BMPR1A: variants seen among roughly 807,000 people sequenced by gnomAD.
BMPR1A encodes bone morphogenetic protein receptor type 1A, also known as bone morphogenetic protein receptor type-1A.
A neutral mutation model predicts 66.0 loss-of-function variants in BMPR1A; 7 were observed. That is an observed-to-expected ratio of 0.11 (90% CI 0.06 to 0.20). BMPR1A has a LOEUF of 0.20. Among genes scored for constraint, BMPR1A ranks in the 10% least tolerant of loss-of-function variants. The probability of loss-of-function intolerance (pLI) is 1.00; values close to 1 mark genes in which losing one functional copy is unlikely to be tolerated. For missense variants in BMPR1A, 408 were observed against 669.1 expected (o/e 0.61, Z 4.31); for synonymous variants, 200 against 229.7 (o/e 0.87, Z 1.17).
intron 1 of BMPR1A, among the ~76,000 whole-genome samples, chr10:86,780,473 C>T (rs558591429): frequency 1.3e-5 from 2 of 152,008 alleles, no homozygotes; most frequent in East Asian, 1.9e-4. Flanking sequence ...CTTGCTCTGT[C>T]GCTCAGGCTG....
At position 86,925,421 on chromosome 10, in the gene BMPR1A, A is replaced by C. The variant is rs1843725854; in HGVS notation, c.*1702A>C. ...AAAATTTGACTATCATTTAAGGTTAAAACTTACAAATTTGTCTGCACATCA... is the reference window on the plus strand; with the variant it reads ...AAAATTTGACTATCATTTAAGGTTACAACTTACAAATTTGTCTGCACATCA... On this transcript the variant is annotated 3_prime_UTR_variant, in exon 13 of 13. Transcript: ENST00000372037. 1 of 217,228 alleles carries C rather than the reference A, an allele frequency of 4.6e-6. No individual in the cohort carries two copies. The highest frequency in any genetic ancestry group is 9.3e-6 in the Non-Finnish European group (1 of 108,030). The allele number at this position is 217,228 out of a possible 1,614,324, so 13.5% of individuals were successfully genotyped here.
chr10:86,867,785 C>G (rs1003591993), intron 2 of BMPR1A, among the ~76,000 whole-genome samples: 2 of 152,102 alleles, frequency 1.3e-5, no homozygotes, highest in African/African-American at 4.8e-5. Flanking sequence ...CACACAGCAT[C>G]AACTATATAT....
chr10:86,873,455 ATGT>A (rs199662362), intron 2 of BMPR1A, among the ~76,000 whole-genome samples: 1,816 of 144,984 alleles, frequency 0.013, 32 homozygotes, highest in African/African-American at 0.041. Context: ...AAAAAAAAAG[ATGT>A]TGTTGGTGAA....
At chr10:86,910,007 T>G (rs1445096453) in intron 7 of BMPR1A, among the ~76,000 whole-genome samples, 1 of 152,038 alleles carries the variant, frequency 6.6e-6, no homozygotes, top group Non-Finnish European at 1.5e-5. Flanking sequence ...ATTTCACACT[T>G]GAATGCAATA....
At chr10:86,799,554 T>G (rs1190777458) in intron 1 of BMPR1A, among the ~76,000 whole-genome samples, 1 of 151,728 alleles carries the variant, frequency 6.6e-6, no homozygotes, top group Non-Finnish European at 1.5e-5. Flanking sequence ...TTTCTTTTTT[T>G]GTTTTCTTTT....
intron 2 of BMPR1A, among the ~76,000 whole-genome samples, chr10:86,875,228 C>T (rs1842906078): frequency 6.6e-6 from 1 of 151,918 alleles, no homozygotes; most frequent in African/African-American, 2.4e-5. Context: ...CAAAAATTAG[C>T]CGAGTGTGGT....
intron 1 of BMPR1A, among the ~76,000 whole-genome samples, chr10:86,837,243 GTGTC>G (rs1224457637): frequency 3.3e-5 from 3 of 89,986 alleles, no homozygotes; most frequent in Non-Finnish European, 4.6e-5. Context: ...GTGTGTGTGT[GTGTC>G]TGTGTGTGTG....
chr10:86,870,060 GTATGTGGTGTTAACGCCTT>G (rs1169946812), intron 2 of BMPR1A, among the ~76,000 whole-genome samples: 1 of 152,154 alleles, frequency 6.6e-6, no homozygotes, highest in African/African-American at 2.4e-5. Context: ...CCACATCAGT[GTATGTGGTGTTAACGCCTT>G]TATTAATGCA....
intron 5 of BMPR1A, among the ~76,000 whole-genome samples, chr10:86,898,245 A>G (rs1843255352): frequency 6.9e-6 from 1 of 145,472 alleles, no homozygotes; most frequent in South Asian, 2.2e-4. Context: ...GACGTATATA[A>G]CACATATATA....
chr10:86,892,318 C>T (rs1843163652), intron 5 of BMPR1A, 89 bp downstream of exon 5: 1 of 990,362 alleles, frequency 1.0e-6, no homozygotes, highest in Admixed American at 1.9e-5. Context: ...GCCTGGTGTA[C>T]ACATCGCTGT....
chr10:86,841,650 G>A (rs116637124), intron 2 of BMPR1A, among the ~76,000 whole-genome samples: 2,690 of 152,282 alleles, frequency 0.018, 84 homozygotes, highest in African/African-American at 0.062. Flanking sequence ...CCTCTGAAGT[G>A]ATGTCTTTTT....
Position 86,900,138 on chromosome 10 carries a change from T to A in BMPR1A, c.530+12T>A. 1 of 1,612,036 alleles carries A rather than the reference T, an allele frequency of 6.2e-7. No individual in the cohort carries two copies. Among genetic ancestry groups the A allele is most frequent in the Non-Finnish European group, 8.5e-7 (1 of 1,179,460 alleles). ...TGCTTTTGTTACAAGTAAGAAGATA[T>A]TTATTTTGAAGCAAAATATTTTGTC... On this transcript the variant is annotated intron_variant, in intron 7 of 12. Coordinates refer to ENST00000372037, the MANE Select transcript of BMPR1A (RefSeq NM_004329.3).
chr10:86,862,596 A>T (rs11202232), intron 2 of BMPR1A, among the ~76,000 whole-genome samples: 3 of 152,050 alleles, frequency 2.0e-5, no homozygotes, highest in Admixed American at 6.6e-5. Context: ...TCAGCAATCC[A>T]GGCAAAGGGG....
At chr10:86,853,942 C>G (rs141576899) in intron 2 of BMPR1A, among the ~76,000 whole-genome samples, 4,387 of 152,214 alleles carry the variant, frequency 0.029, 132 homozygotes, top group African/African-American at 0.075. Flanking sequence ...TGAGAGCAAC[C>G]AGTCTGACCA....
chr10:86,863,627 C>T (rs1842742213), intron 2 of BMPR1A, among the ~76,000 whole-genome samples: 1 of 152,114 alleles, frequency 6.6e-6, no homozygotes, highest in African/African-American at 2.4e-5. Flanking sequence ...CCTTCTGGTT[C>T]TCCTTCTGGG....
intron 11 of BMPR1A, among the ~76,000 whole-genome samples, chr10:86,922,205 C>A (rs1378348842): frequency 6.6e-6 from 1 of 152,110 alleles, no homozygotes; most frequent in Admixed American, 6.5e-5. Flanking sequence ...ACATCCAGTT[C>A]CTCCATGTTA....
chr10:86,831,083 A>G (rs1404917741), intron 1 of BMPR1A, among the ~76,000 whole-genome samples: 1 of 152,156 alleles, frequency 6.6e-6, no homozygotes, highest in Non-Finnish European at 1.5e-5. Context: ...AAGGTTGAAT[A>G]ATGTTCCACT....
chr10:86,878,927 G>T (rs981912049), intron 3 of BMPR1A, among the ~76,000 whole-genome samples: 1 of 152,022 alleles, frequency 6.6e-6, no homozygotes, highest in Non-Finnish European at 1.5e-5. Flanking sequence ...ATCTGGGAGA[G>T]ATTTAATTTT....
At chr10:86,775,211 C>G (rs7077735) in intron 1 of BMPR1A, among the ~76,000 whole-genome samples, 37,733 of 152,174 alleles carry the variant, frequency 0.25, 8,237 homozygotes, top group African/African-American at 0.59. Flanking sequence ...TAAGTTGGCT[C>G]TACACGTGGT....
Sources: allele counts gnomAD v4.1 joint callset (sites outside exome capture counted in the v4.1 genomes callset), GRCh38; gene constraint gnomAD v4.1.1; transcripts MANE v1.5; gene names NCBI Gene and HGNC (gene_info 2026-07-23, HGNC 2026-07-21).